Variants in KIF13A observed in about 807,000 individuals in gnomAD.
KIF13A encodes kinesin family member 13A, also known as kinesin-like protein KIF13A.
KIF13A carries 79 observed loss-of-function variants against 212.2 expected under a neutral mutation model. The observed-to-expected ratio is 0.37, with a 90% CI of 0.31 to 0.45. KIF13A has a LOEUF of 0.45. Among genes scored for constraint, KIF13A ranks in the 20% least tolerant of loss-of-function variants. KIF13A has a pLI of 1.00. For missense variants in KIF13A, 1,901 were observed against 2,209.0 expected (o/e 0.86, Z 2.79); for synonymous variants, 789 against 808.6 (o/e 0.98, Z 0.41).
In KIF13A at chr6:17,837,733, C is replaced by G. The variant is rs150886097; in HGVS notation, c.831-150G>C. The stretch of plus-strand genomic sequence containing the variant: ...TTGGGAGGCCAAGGTGGATGAATCA[C>G]TTGAGGCCAGGGGTTTGAGACCACC... On this transcript the variant is annotated intron_variant, in intron 9 of 38. Transcript: ENST00000259711. This position sits in a 1 kb window ranked among gnomAD's most constrained non-coding sequence, Gnocchi z 5.4. 16,963 of 596,978 alleles carry G rather than the reference C, an allele frequency of 0.028. 348 individuals are homozygous for G. Among genetic ancestry groups the G allele is most frequent in the Non-Finnish European group, 0.038 (12,943 of 338,920 alleles). The allele number at this position is 596,978 out of a possible 1,614,324, so 37.0% of individuals were successfully genotyped here.
At chr6:17,936,426 C>T (rs1776468034) in intron 2 of KIF13A, 4 of 162,766 alleles carry the variant, frequency 2.5e-5, no homozygotes, top group Admixed American at 1.3e-4. Flanking sequence ...TTGCACCTGG[C>T]CCATTGCCAC....
At chr6:17,924,990 A>G (rs974705115) in intron 2 of KIF13A, among the ~76,000 whole-genome samples, 3 of 152,234 alleles carry the variant, frequency 2.0e-5, no homozygotes, top group African/African-American at 7.2e-5. Flanking sequence ...TAGTCCTAAG[A>G]AAATTTAGTA....
At chr6:17,762,823 T>G (rs1379271284), downstream of KIF13A, among the ~76,000 whole-genome samples, 2 of 152,220 alleles carry the variant, frequency 1.3e-5, no homozygotes, top group Admixed American at 6.5e-5. Context: ...TGTTTAGGTT[T>G]TGGCAGTTCA....
intron 2 of KIF13A, among the ~76,000 whole-genome samples, chr6:17,913,070 A>C (rs889146181): frequency 2.0e-5 from 3 of 151,780 alleles, no homozygotes; most frequent in African/African-American, 7.3e-5. Context: ...TACAGGTGTG[A>C]AACAGTGCTC....
chr6:17,859,826 G>A (rs1386675006), intron 4 of KIF13A, among the ~76,000 whole-genome samples: 1 of 151,468 alleles, frequency 6.6e-6, no homozygotes, highest in African/African-American at 2.4e-5. Flanking sequence ...TAGTAGAGAC[G>A]AGGTTTCACC....
intron 9 of KIF13A, among the ~76,000 whole-genome samples, chr6:17,846,027 T>A (rs936756408): frequency 1.3e-5 from 2 of 150,308 alleles, no homozygotes; most frequent in Non-Finnish European, 3.0e-5. Context: ...ATTTCTTTAG[T>A]TTTGGAACTC....
chr6:17,875,663 C>G (rs1256046933), intron 3 of KIF13A, among the ~76,000 whole-genome samples: 1 of 152,154 alleles, frequency 6.6e-6, no homozygotes, highest in East Asian at 1.9e-4. Context: ...CCATGTTGGC[C>G]AGGGTGGACT....
rs1274223156 is a variant in KIF13A, at chr6:17,771,430, A to T, written c.4477-212T>A. ...GCAAAAAGCATAATTAGTCTTATTTAAAAAACAGCCTTTTGACCAGGTACA... is the reference window on the plus strand; with the variant it reads ...GCAAAAAGCATAATTAGTCTTATTTTAAAAACAGCCTTTTGACCAGGTACA... On this transcript the variant is annotated intron_variant, in intron 37 of 38. Transcript: ENST00000259711. This position sits in a 1 kb window ranked among gnomAD's most constrained non-coding sequence, Gnocchi z 5.4. 1 of 542,538 alleles carries T rather than the reference A, an allele frequency of 1.8e-6. No individual in the cohort carries two copies. Among genetic ancestry groups the T allele is most frequent in the Non-Finnish European group, 3.3e-6 (1 of 305,390 alleles). 33.6% of individuals were successfully genotyped at this position (542,538 alleles called of 1,614,324 possible).
At chr6:17,884,705 T>C (rs1771385798) in intron 3 of KIF13A, among the ~76,000 whole-genome samples, 2 of 152,194 alleles carry the variant, frequency 1.3e-5, no homozygotes, top group South Asian at 4.1e-4. Context: ...CTTTGCTTTG[T>C]ATGAAGGAGT....
In KIF13A at chr6:17,967,328, G is replaced by A. The variant is rs1779416062; in HGVS notation, c.146+19726C>T. ...CTACCAAGCACAGAAAAAGGAAAAT[G>A]CATCACAATGTTAAAAGAATGAGTA... On this transcript the variant is annotated intron_variant, in intron 2 of 38. Coordinates refer to ENST00000259711, the MANE Select transcript of KIF13A (RefSeq NM_022113.6). The surrounding 1 kb of genome is among the most constrained non-coding windows in gnomAD (Gnocchi z 4.1). Among the ~76,000 whole-genome samples the A allele has an allele frequency of 6.6e-6, 1 of 152,082 alleles. No individual in the cohort carries two copies. The highest frequency in any genetic ancestry group is 2.4e-5 in the African/African-American group (1 of 41,370).
chr6:17,951,524 A>C lies in KIF13A; in HGVS notation c.146+35530T>G. Reference sequence around the variant, plus strand: ...AGTGTCCAATTCAGTGATTTTTAGCATATTCACAGAGTTATGTGGCTATCA... The same window carrying C: ...AGTGTCCAATTCAGTGATTTTTAGCCTATTCACAGAGTTATGTGGCTATCA... On this transcript the variant is annotated intron_variant, in intron 2 of 38. Coordinates refer to ENST00000259711, the MANE Select transcript of KIF13A (RefSeq NM_022113.6). This position sits in a 1 kb window ranked among gnomAD's most constrained non-coding sequence, Gnocchi z 4.9. The C allele has an allele frequency of 2.3e-6, 1 of 430,274 alleles. No individual in the cohort carries two copies. The allele number at this position is 430,274 out of a possible 1,614,324, so 26.7% of individuals were successfully genotyped here.
intron 2 of KIF13A, among the ~76,000 whole-genome samples, chr6:17,960,563 C>A (rs1778730447): frequency 6.6e-6 from 1 of 152,088 alleles, no homozygotes. Context: ...AAAGAGGGAT[C>A]CTCTTATATC....
chr6:17,950,481 C>G (rs1260266093), intron 2 of KIF13A: 1 of 984,724 alleles, frequency 1.0e-6, no homozygotes, highest in Non-Finnish European at 1.2e-6. Context: ...TCAAATTTAC[C>G]TTCTTACACT....
rs985296621 is a variant in KIF13A, at chr6:17,777,595, G to A, written c.4093-241C>T. ...GACGGGGTTTCACCATGTTGCCCAG[G>A]TTGGTCTTGAACTCCTGAGCTCAGG... On this transcript the variant is annotated intron_variant, in intron 33 of 38. Coordinates refer to ENST00000259711, the MANE Select transcript of KIF13A (RefSeq NM_022113.6). The surrounding 1 kb of genome is among the most constrained non-coding windows in gnomAD (Gnocchi z 4.4). Among the ~76,000 whole-genome samples the A allele has an allele frequency of 1.3e-5, 2 of 152,108 alleles. No individual in the cohort carries two copies. Among genetic ancestry groups the A allele is most frequent in the African/African-American group, 4.8e-5 (2 of 41,514 alleles).
chr6:17,881,481 G>A, intron 3 of KIF13A: 1 of 428,792 alleles, frequency 2.3e-6, no homozygotes, highest in Non-Finnish European at 4.5e-6. Context: ...TGGCTTATGA[G>A]GTCAGGAGAT....
In KIF13A at chr6:17,799,777, C is replaced by T. The variant is rs1305351348; in HGVS notation, c.2616+175G>A. On this transcript the variant is annotated intron_variant, in intron 21 of 38. Transcript: ENST00000259711. This position sits in a 1 kb window ranked among gnomAD's most constrained non-coding sequence, Gnocchi z 4.4. ...TAAACACTTTTGAAATTTGATGCAA[C>T]TGTCATAAGAAAGTGTGCTATATTT... is the stretch of plus-strand genomic sequence containing the variant. Among the ~76,000 whole-genome samples, 2 of 152,218 alleles carry T rather than the reference C, an allele frequency of 1.3e-5. No individual in the cohort carries two copies. The highest frequency in any genetic ancestry group is 4.8e-5 in the African/African-American group (2 of 41,458).
At chr6:17,906,440 CTCTT>C (rs1425108144) in intron 2 of KIF13A, among the ~76,000 whole-genome samples, 17 of 111,822 alleles carry the variant, frequency 1.5e-4, no homozygotes, top group Non-Finnish European at 3.0e-4. Context: ...TTCCCTTTTT[CTCTT>C]TCTTTCTTCT....
chr6:17,887,981 C>T (rs898490865), intron 3 of KIF13A, among the ~76,000 whole-genome samples: 4 of 151,794 alleles, frequency 2.6e-5, no homozygotes, highest in Non-Finnish European at 5.9e-5. Flanking sequence ...GCTAGGATTA[C>T]AGGTGTGAGC....
At chr6:17,852,398 A>G (rs952541856) in intron 6 of KIF13A, among the ~76,000 whole-genome samples, 1 of 152,188 alleles carries the variant, frequency 6.6e-6, no homozygotes, top group African/African-American at 2.4e-5. Context: ...AAATAAGCAT[A>G]TTCTCAGCAG....
Sources: allele counts gnomAD v4.1 joint callset (sites outside exome capture counted in the v4.1 genomes callset), GRCh38; gene constraint gnomAD v4.1.1; non-coding constraint Gnocchi (gnomAD v3.1); transcripts MANE v1.5; gene names NCBI Gene and HGNC (gene_info 2026-07-23, HGNC 2026-07-21).